Variants in RNGTT observed in about 807,000 individuals in gnomAD.
RNGTT encodes RNA guanylyltransferase and 5'-phosphatase, also known as mRNA-capping enzyme.
In RNGTT, 33 loss-of-function variants were observed where a neutral mutation model predicts 79.3. That is an observed-to-expected ratio of 0.42 (90% confidence interval 0.32 to 0.56). The LOEUF (loss-of-function observed/expected upper bound fraction) is 0.56. RNGTT is among the 20% of genes least tolerant of loss of function. The pLI is 0.17. For synonymous variants in RNGTT, 222 were observed against 235.9 expected (o/e 0.94, Z 0.54); for missense variants, 497 against 739.1 (o/e 0.67, Z 3.80).
intron 4 of RNGTT, among the ~76,000 whole-genome samples, chr6:88,921,597 AT>A (rs567358605): frequency 6.5e-4 from 97 of 149,802 alleles, no homozygotes; most frequent in African/African-American, 1.9e-3. Context: ...GTACTCTCAA[AT>A]TTTTTTTTTA....
chr6:88,655,492 G>C (rs1421271934), intron 14 of RNGTT, among the ~76,000 whole-genome samples: 2 of 152,058 alleles, frequency 1.3e-5, no homozygotes, highest in African/African-American at 4.8e-5. Flanking sequence ...TAAAATTCAA[G>C]TTCAGAAAGC....
At chr6:88,647,734 A>G (rs1242789760) in intron 14 of RNGTT, among the ~76,000 whole-genome samples, 2 of 149,576 alleles carry the variant, frequency 1.3e-5, no homozygotes, top group Non-Finnish European at 3.0e-5. Flanking sequence ...GAAGAAAAGA[A>G]GGAAGGGAGG....
intron 14 of RNGTT, among the ~76,000 whole-genome samples, chr6:88,642,963 A>T (rs1310647748): frequency 2.0e-5 from 3 of 152,206 alleles, no homozygotes; most frequent in African/African-American, 7.2e-5. Flanking sequence ...AATAATGTCA[A>T]AGATTATTAT....
At chr6:88,629,102 AC>A (rs1320808343) in intron 14 of RNGTT, among the ~76,000 whole-genome samples, 3 of 152,180 alleles carry the variant, frequency 2.0e-5, no homozygotes, top group South Asian at 4.1e-4. Flanking sequence ...GATAGGACAA[AC>A]AAAGTAGGAG....
intron 14 of RNGTT, chr6:88,678,144 A>C (rs913283336): frequency 2.0e-5 from 20 of 1,015,100 alleles, no homozygotes; most frequent in East Asian, 1.6e-4. Flanking sequence ...ATGCCACTGA[A>C]CTTGGCTAAT....
intron 4 of RNGTT, among the ~76,000 whole-genome samples, chr6:88,927,518 C>T (rs1328862957): frequency 1.3e-5 from 2 of 152,040 alleles, no homozygotes; most frequent in African/African-American, 2.4e-5. Context: ...CATAATTAGC[C>T]GGGCATGGTG....
At position 88,686,231 on chromosome 6, in the gene RNGTT, A is replaced by G. The variant is rs550384214; in HGVS notation, c.1440-7812T>C. Reference sequence around the variant, plus strand: ...GGAATAAAACTAACAAAAGAAGTGAAAGACCTTAATTAATAAAAGTATCAA... The same window carrying G: ...GGAATAAAACTAACAAAAGAAGTGAGAGACCTTAATTAATAAAAGTATCAA... On this transcript the variant is annotated intron_variant, in intron 13 of 15. Transcript: ENST00000369485. 5.3e-5 allele frequency among the ~76,000 whole-genome samples: 8 copies of G among 152,020 alleles called. 1 individual carries two copies. In the South Asian group the frequency reaches 1.7e-3, roughly 32 times the overall value.
intron 14 of RNGTT, among the ~76,000 whole-genome samples, chr6:88,624,784 C>T (rs1015842750): frequency 2.6e-5 from 4 of 151,496 alleles, no homozygotes; most frequent in African/African-American, 9.7e-5. Flanking sequence ...AATGAAAAGA[C>T]AAAGCATAGA....
chr6:88,841,177 C>T (rs59233837), intron 11 of RNGTT, among the ~76,000 whole-genome samples: 4,113 of 152,182 alleles, frequency 0.027, 191 homozygotes, highest in African/African-American at 0.092. Context: ...CTTGTAGGTA[C>T]CCCCTTAATA....
At chr6:88,938,196 T>C (rs896928378) in intron 2 of RNGTT, among the ~76,000 whole-genome samples, 22 of 152,236 alleles carry the variant, frequency 1.4e-4, no homozygotes, top group Admixed American at 2.6e-4. Flanking sequence ...ATTTGCTTTA[T>C]ATATCTGGGT....
At chr6:88,788,189 G>A (rs1779292401) in intron 12 of RNGTT, among the ~76,000 whole-genome samples, 2 of 152,150 alleles carry the variant, frequency 1.3e-5, no homozygotes, top group African/African-American at 2.4e-5. Flanking sequence ...TGAAGTCTGA[G>A]TAACATGCTG....
intron 12 of RNGTT, among the ~76,000 whole-genome samples, chr6:88,786,231 C>T (rs181542836): frequency 1.6e-4 from 24 of 152,114 alleles, no homozygotes; most frequent in Non-Finnish European, 2.9e-5. Flanking sequence ...AAAGTAAAAT[C>T]AAAGCTGATT....
chr6:88,660,549 T>TAAAAAAAAAAAAAAAAA (rs139978224), intron 14 of RNGTT, among the ~76,000 whole-genome samples: 2 of 144,270 alleles, frequency 1.4e-5, no homozygotes, highest in African/African-American at 5.6e-5. Context: ...GCAACAATGG[T>TAAAAAAAAAAAAAAAAA]AAAAAAAAAG....
chr6:88,705,326 G>A (rs542226981), intron 13 of RNGTT, among the ~76,000 whole-genome samples: 1 of 151,672 alleles, frequency 6.6e-6, no homozygotes, highest in Non-Finnish European at 1.5e-5. Context: ...CTAACCAGTG[G>A]TATAATGTCA....
At chr6:88,939,782 AC>A (rs1784787499) in intron 2 of RNGTT, among the ~76,000 whole-genome samples, 1 of 148,846 alleles carries the variant, frequency 6.7e-6, no homozygotes, top group African/African-American at 2.5e-5. Context: ...TTTTTTTGAG[AC>A]ACGGTCACAC....
chr6:88,959,379 T>A (rs1785540243), intron 1 of RNGTT, among the ~76,000 whole-genome samples: 1 of 152,166 alleles, frequency 6.6e-6, no homozygotes. Context: ...TTTAAAAAGA[T>A]CTTTACTAAA....
intron 8 of RNGTT, among the ~76,000 whole-genome samples, chr6:88,865,399 TAAACAGG>T: frequency 6.6e-6 from 1 of 151,988 alleles, no homozygotes; most frequent in Non-Finnish European, 1.5e-5. Flanking sequence ...AAGAACCCTA[TAAACAGG>T]AAACAGGAAG....
intron 4 of RNGTT, among the ~76,000 whole-genome samples, chr6:88,919,466 T>C (rs1225933031): frequency 6.6e-6 from 1 of 152,132 alleles, no homozygotes; most frequent in Non-Finnish European, 1.5e-5. Flanking sequence ...TCTTTTTAAA[T>C]AAAGCCTGAT....
chr6:88,863,784 T>G (rs1420608327), intron 8 of RNGTT, among the ~76,000 whole-genome samples: 1 of 152,112 alleles, frequency 6.6e-6, no homozygotes, highest in Non-Finnish European at 1.5e-5. Flanking sequence ...TCAACAATTT[T>G]AAAAAATTAA....
Sources: allele counts gnomAD v4.1 joint callset (sites outside exome capture counted in the v4.1 genomes callset), GRCh38; gene constraint gnomAD v4.1.1; transcripts MANE v1.5; gene names NCBI Gene and HGNC (gene_info 2026-07-23, HGNC 2026-07-21).